ULK4: variants seen among roughly 807,000 people sequenced by gnomAD.
ULK4 encodes the protein inactive serine/threonine-protein kinase ULK4.
ULK4 carries 133 observed loss-of-function variants against 160.6 expected under a neutral mutation model. The observed-to-expected ratio is 0.83, with a 90% CI of 0.72 to 0.96. The LOEUF (loss-of-function observed/expected upper bound fraction) is 0.96. Among genes scored for constraint, ULK4 ranks in the 40% least tolerant of loss-of-function variants. ULK4 has a pLI of 0.00. For missense variants in ULK4, 1,580 were observed against 1,499.5 expected (o/e 1.05, Z -0.89); for synonymous variants, 534 against 539.8 (o/e 0.99, Z 0.15).
intron 4 of ULK4, among the ~76,000 whole-genome samples, chr3:41,935,412 G>C (rs1167150635): frequency 6.6e-6 from 1 of 151,426 alleles, no homozygotes; most frequent in African/African-American, 2.4e-5. Flanking sequence ...TTTTTTTTTA[G>C]TTGAGATGGG....
intron 35 of ULK4, among the ~76,000 whole-genome samples, chr3:41,316,936 T>G (rs933010683): frequency 1.3e-5 from 2 of 152,158 alleles, no homozygotes; most frequent in African/African-American, 4.8e-5. Flanking sequence ...AGACTTTTGC[T>G]CTCTATTCAC....
chr3:41,492,565 C>A (rs7653430), intron 32 of ULK4, among the ~76,000 whole-genome samples: 1 of 143,416 alleles, frequency 7.0e-6, no homozygotes, highest in Admixed American at 6.9e-5. Flanking sequence ...AGGATCAAAT[C>A]CACACATAAC....
chr3:41,639,054 C>A (rs1318576531), intron 30 of ULK4, among the ~76,000 whole-genome samples: 2 of 152,158 alleles, frequency 1.3e-5, no homozygotes, highest in Non-Finnish European at 2.9e-5. Flanking sequence ...TGAATATTAT[C>A]AAGGAACTGA....
At chr3:41,400,633 C>T (rs2082159530) in intron 34 of ULK4, among the ~76,000 whole-genome samples, 1 of 152,094 alleles carries the variant, frequency 6.6e-6, no homozygotes. Flanking sequence ...CTACTGTGAA[C>T]ATTTACACAA....
At chr3:41,861,140 T>C (rs979072229) in intron 17 of ULK4, among the ~76,000 whole-genome samples, 10 of 152,322 alleles carry the variant, frequency 6.6e-5, no homozygotes, top group African/African-American at 1.9e-4. Context: ...TACTTTTGAT[T>C]GGCTCATATT....
At chr3:41,498,573 TTTC>T (rs2085074688) in intron 32 of ULK4, among the ~76,000 whole-genome samples, 1 of 42,442 alleles carries the variant, frequency 2.4e-5, no homozygotes, top group African/African-American at 4.3e-5. Flanking sequence ...TCTTCTTTTT[TTTC>T]TTTTTTTTTT....
At chr3:41,556,861 T>C (rs2087321669) in intron 32 of ULK4, among the ~76,000 whole-genome samples, 1 of 152,124 alleles carries the variant, frequency 6.6e-6, no homozygotes, top group African/African-American at 2.4e-5. Flanking sequence ...AAAAAAATTT[T>C]AATGAAGCAA....
intron 16 of ULK4, among the ~76,000 whole-genome samples, chr3:41,886,848 C>A (rs1172274192): frequency 6.6e-6 from 1 of 152,134 alleles, no homozygotes; most frequent in Non-Finnish European, 1.5e-5. Flanking sequence ...TGCTGAGATA[C>A]AAGTGTGAGC....
intron 32 of ULK4, among the ~76,000 whole-genome samples, chr3:41,556,995 A>G (rs2087324855): frequency 6.6e-6 from 1 of 152,212 alleles, no homozygotes; most frequent in South Asian, 2.1e-4. Flanking sequence ...ATATTAACAA[A>G]GAACTAAAGT....
chr3:41,660,431 C>A (rs752292833), intron 30 of ULK4, among the ~76,000 whole-genome samples: 1 of 152,188 alleles, frequency 6.6e-6, no homozygotes, highest in Admixed American at 6.5e-5. Context: ...AATGAGACTT[C>A]TCAGTATCTA....
intron 35 of ULK4, among the ~76,000 whole-genome samples, chr3:41,389,212 C>G (rs2081895063): frequency 6.6e-6 from 1 of 152,080 alleles, no homozygotes; most frequent in Non-Finnish European, 1.5e-5. Context: ...GATTTTTGTA[C>G]ATTGATTTTG....
chr3:41,529,049 G>A (rs2125938512), intron 32 of ULK4, among the ~76,000 whole-genome samples: 1 of 152,292 alleles, frequency 6.6e-6, no homozygotes, highest in South Asian at 2.1e-4. Flanking sequence ...TATTAGCTTA[G>A]CAGAGAAGAG....
intron 30 of ULK4, among the ~76,000 whole-genome samples, chr3:41,660,859 G>T (rs1233997690): frequency 6.6e-6 from 1 of 152,038 alleles, no homozygotes; most frequent in Non-Finnish European, 1.5e-5. Context: ...TGGGGAGAGG[G>T]GTGGTAAATA....
chr3:41,887,476 G>A (rs1697765358), intron 16 of ULK4, among the ~76,000 whole-genome samples: 1 of 152,192 alleles, frequency 6.6e-6, no homozygotes. Flanking sequence ...AGTGAAAGGA[G>A]AAAAGTAAAA....
At chr3:41,488,162 T>C (rs1305898140) in intron 32 of ULK4, among the ~76,000 whole-genome samples, 1 of 152,242 alleles carries the variant, frequency 6.6e-6, no homozygotes, top group Non-Finnish European at 1.5e-5. Context: ...TAGAGAATAA[T>C]GCAAGTTTAG....
intron 27 of ULK4, among the ~76,000 whole-genome samples, chr3:41,683,070 C>A (rs1440626893): frequency 6.6e-6 from 1 of 152,168 alleles, no homozygotes; most frequent in Admixed American, 6.5e-5. Flanking sequence ...ATCCCTGCTA[C>A]AGCATTCTTT....
At chr3:41,534,865 G>A (rs1405083628) in intron 32 of ULK4, among the ~76,000 whole-genome samples, 1 of 152,100 alleles carries the variant, frequency 6.6e-6, no homozygotes, top group Admixed American at 6.5e-5. Flanking sequence ...AAAGTTAATT[G>A]ACACAGTAAG....
At chr3:41,712,799 G>A (rs1482419913) in intron 25 of ULK4, among the ~76,000 whole-genome samples, 3 of 152,152 alleles carry the variant, frequency 2.0e-5, no homozygotes, top group Non-Finnish European at 4.4e-5. Flanking sequence ...GGCTGAGGAG[G>A]TAGGATTGCT....
In ULK4 at chr3:41,739,128, G is replaced by C. The variant is rs114052516; in HGVS notation, c.2321+15233C>G. ...ATATGAGTTACTTATCGTTAATCTG[G>C]GTCACCAAGCCACTACGTTAAGTAT... On this transcript the variant is annotated intron_variant, in intron 22 of 36. Transcript: ENST00000301831. 7.9e-3 allele frequency among the ~76,000 whole-genome samples: 1,201 copies of C among 151,880 alleles called. 14 individuals are homozygous for C. Among genetic ancestry groups the C allele is most frequent in the Middle Eastern group, 0.027 (8 of 294 alleles).
Sources: allele counts gnomAD v4.1 joint callset (sites outside exome capture counted in the v4.1 genomes callset), GRCh38; gene constraint gnomAD v4.1.1; transcripts MANE v1.5; gene names NCBI Gene and HGNC (gene_info 2026-07-23, HGNC 2026-07-21).